The following CYREN variants were observed in gnomAD, a reference collection of about 807,000 sequenced individuals.
CYREN encodes the protein cell cycle regulator of NHEJ.
CYREN carries 7 observed loss-of-function variants against 9.7 expected under a neutral mutation model. That is an observed-to-expected ratio of 0.72 (90% CI 0.41 to 1.36). The LOEUF (loss-of-function observed/expected upper bound fraction) is 1.36. CYREN is among the 40% of genes most tolerant of loss of function. CYREN has a pLI of 0.01. For synonymous variants in CYREN, 76 were observed against 77.9 expected, an observed-to-expected ratio of 0.98 and a Z score of 0.13; for missense variants, 215 against 198.1, an observed-to-expected ratio of 1.09 and a Z score of -0.51.
At chr7:135,123,082 T>C (rs1827369957) in intron 2 of CYREN, among the ~76,000 whole-genome samples, 1 of 150,954 alleles carries the variant, frequency 6.6e-6, no homozygotes, top group African/African-American at 2.4e-5. Context: ...AGAAGATGAG[T>C]AATAAAAAAC....
chr7:135,155,291 G>C (rs950955297), intron 2 of CYREN, among the ~76,000 whole-genome samples: 9 of 152,132 alleles, frequency 5.9e-5, no homozygotes, highest in Non-Finnish European at 1.2e-4. Flanking sequence ...CTGCCAATCT[G>C]TATCTTTTAA....
chr7:135,161,929 G>A (rs376812880), downstream of CYREN, among the ~76,000 whole-genome samples: 98 of 152,310 alleles, frequency 6.4e-4, 1 homozygote, highest in South Asian at 0.019. This position sits in a 1 kb window ranked among gnomAD's most constrained non-coding sequence, Gnocchi z 4.1. Flanking sequence ...CCAGAGAAGC[G>A]GCATCTGAGG....
At chr7:135,167,536 CAA>C (rs1309302120) in intron 3 of CYREN, 194 bp downstream of exon 3, 39 of 1,426,638 alleles carry the variant, frequency 2.7e-5, no homozygotes, top group Non-Finnish European at 3.7e-6. Context: ...CTTCTAGCCT[CAA>C]AGACACCCCA....
At chr7:135,109,193 C>T (rs1825230512) in intron 2 of CYREN, among the ~76,000 whole-genome samples, 1 of 152,160 alleles carries the variant, frequency 6.6e-6, no homozygotes, top group South Asian at 2.1e-4. Flanking sequence ...TCATTTCAAC[C>T]AACTCAGGTT....
At chr7:135,171,326 TAAAA>T (rs5887722), upstream of CYREN, among the ~76,000 whole-genome samples, 598 of 149,266 alleles carry the variant, frequency 4.0e-3, 3 homozygotes, top group East Asian at 0.02. Context: ...TTTTTTTTTT[TAAAA>T]AAAAAAGGAA....
chr7:135,133,382 T>C (rs1829064006), intron 2 of CYREN, among the ~76,000 whole-genome samples: 1 of 152,228 alleles, frequency 6.6e-6, no homozygotes, highest in Non-Finnish European at 1.5e-5. Flanking sequence ...TTTAACACGA[T>C]GCCTATCAAA....
rs556762475 is a variant in CYREN at position 135,129,285 on chromosome 7, T to C, written n.357-34703A>G. On this transcript the variant is annotated intron_variant and non_coding_transcript_variant, in intron 2 of 2. Transcript: ENST00000459937. ...CTGCAATTTTGCCTTCTGTACCTTG[T>C]GCAGGTTGACCTACCATGGGGTCTC... The C allele has an allele frequency of 6.6e-6, 10 of 1,509,654 alleles. 1 individual carries two copies. In the South Asian group the frequency reaches 1.1e-4, roughly 17 times the overall value. The allele number at this position is 1,509,654 out of a possible 1,614,324, so 93.5% of individuals were successfully genotyped here.
upstream of CYREN, among the ~76,000 whole-genome samples, chr7:135,171,038 A>C (rs1426966524): frequency 6.6e-6 from 1 of 152,132 alleles, no homozygotes; most frequent in African/African-American, 2.4e-5. Context: ...TTCCCTCAGA[A>C]ACCAGGCGAA....
chr7:135,159,135 C>T (rs925020158), intron 2 of CYREN, among the ~76,000 whole-genome samples: 9 of 152,218 alleles, frequency 5.9e-5, no homozygotes, highest in African/African-American at 2.2e-4. Context: ...CAAGCTGCCT[C>T]GAATCCTCTC....
chr7:135,111,629 T>C (rs1825652273), intron 2 of CYREN, among the ~76,000 whole-genome samples: 1 of 152,062 alleles, frequency 6.6e-6, no homozygotes, highest in South Asian at 2.1e-4. Flanking sequence ...GCTCAATGAA[T>C]ATCTGAGTGT....
At chr7:135,118,073 T>A (rs1826581638) in intron 2 of CYREN, among the ~76,000 whole-genome samples, 1 of 152,198 alleles carries the variant, frequency 6.6e-6, no homozygotes, top group Non-Finnish European at 1.5e-5. Flanking sequence ...GTTCTAGTCC[T>A]TTCCTGAAGC....
Position 135,114,489 on chromosome 7 carries a change from AG to A in CYREN, n.357-19908del, listed in dbSNP as rs1162686382. Among the ~76,000 whole-genome samples the A allele has an allele frequency of 7.8e-5, 10 of 128,446 alleles. No individual in the cohort carries two copies. The South Asian group carries it at 2.2e-3, about 29-fold the overall frequency. 84.3% of individuals were successfully genotyped at this position (128,446 alleles called of 152,430 possible). ...ATTCCTTTGTATCATCTAATAAAGA[AG>A]GGATTTCTAACATGCTCTTCCCAGT... On this transcript the variant is annotated intron_variant and non_coding_transcript_variant, in intron 2 of 2. Transcript: ENST00000459937.
chr7:135,163,317 A>G (rs1238731107), downstream of CYREN, among the ~76,000 whole-genome samples: 1 of 152,240 alleles, frequency 6.6e-6, no homozygotes, highest in Non-Finnish European at 1.5e-5. Context: ...GTATGATGGG[A>G]TAAAAGGTTA....
chr7:135,167,191 G>A, intron 3 of CYREN: 1 of 985,438 alleles, frequency 1.0e-6, no homozygotes, highest in Non-Finnish European at 1.2e-6. Context: ...TACAAAACCT[G>A]GGTGTGGGCC....
At chr7:135,116,160 C>T (rs1167450540) in intron 2 of CYREN, among the ~76,000 whole-genome samples, 2 of 152,118 alleles carry the variant, frequency 1.3e-5, no homozygotes, top group Non-Finnish European at 2.9e-5. Context: ...CTATGTGCTA[C>T]ACACCGTTCT....
At chr7:135,161,853 C>A (rs1829948630), downstream of CYREN, among the ~76,000 whole-genome samples, 2 of 152,166 alleles carry the variant, frequency 1.3e-5, no homozygotes, top group Admixed American at 1.3e-4. This position sits in a 1 kb window ranked among gnomAD's most constrained non-coding sequence, Gnocchi z 4.1. Flanking sequence ...TCTGACTGTC[C>A]CCACTGGGCT....
intron 2 of CYREN, among the ~76,000 whole-genome samples, chr7:135,125,367 C>T (rs548499637): frequency 6.6e-6 from 1 of 152,126 alleles, no homozygotes; most frequent in South Asian, 2.1e-4. Context: ...CTGAATAGAC[C>T]AATAGCAAGT....
At chr7:135,128,848 T>C in intron 2 of CYREN, 1 of 1,206,186 alleles carries the variant, frequency 8.3e-7, no homozygotes, top group Non-Finnish European at 1.2e-6. Flanking sequence ...GTGGAATCAT[T>C]GTTAAATATG....
At chr7:135,170,797 C>T (rs538387243), upstream of CYREN, 2 of 152,280 alleles carry the variant, frequency 1.3e-5, no homozygotes, top group Non-Finnish European at 1.5e-5. Flanking sequence ...CTCCCGGCCC[C>T]CTCGCAGTCC....
Sources: gnomAD v4.1 joint callset for allele counts (sites outside exome capture counted in the v4.1 genomes callset) on GRCh38, gnomAD v4.1.1 for gene constraint, Gnocchi (gnomAD v3.1) non-coding constraint, MANE v1.5 for transcripts, NCBI Gene and HGNC (gene_info 2026-07-23, HGNC 2026-07-21) for gene names.